CLEC16A: variants seen among roughly 807,000 people sequenced by gnomAD.
The protein encoded by CLEC16A is C-type lectin domain containing 16A.
A neutral mutation model predicts 109.5 loss-of-function variants in CLEC16A; 51 were observed. The ratio of observed to expected loss-of-function variants is 0.47; its 90% CI spans 0.37 to 0.59. CLEC16A has a LOEUF of 0.59. Among genes scored for constraint, CLEC16A ranks in the 20% least tolerant of loss-of-function variants. The pLI is 0.00. For synonymous variants in CLEC16A, 673 were observed against 564.2 expected (o/e 1.19, Z -2.73); for missense variants, 1,339 against 1,394.0 (o/e 0.96, Z 0.63).
intron 19 of CLEC16A, among the ~76,000 whole-genome samples, chr16:11,070,366 G>A (rs989078586): frequency 1.3e-5 from 2 of 151,230 alleles, no homozygotes; most frequent in Non-Finnish European, 1.5e-5. Flanking sequence ...CACTGCACCC[G>A]GCCTTTTTTT....
intron 3 of CLEC16A, among the ~76,000 whole-genome samples, chr16:10,967,310 G>A (rs1318319199): frequency 6.6e-6 from 1 of 152,082 alleles, no homozygotes; most frequent in East Asian, 1.9e-4. Context: ...CCTCAGTTAG[G>A]TACCTCGACG....
chr16:11,089,861 T>C (rs1187087935), intron 19 of CLEC16A, among the ~76,000 whole-genome samples: 1 of 152,208 alleles, frequency 6.6e-6, no homozygotes, highest in African/African-American at 2.4e-5. Context: ...CAGTCAACCC[T>C]GTGCTCTGCT....
At chr16:10,950,482 G>A (rs993272776) in intron 1 of CLEC16A, among the ~76,000 whole-genome samples, 1 of 152,248 alleles carries the variant, frequency 6.6e-6, no homozygotes, top group South Asian at 2.1e-4. Flanking sequence ...GAAAGCTAGG[G>A]TATAGCCCTG....
chr16:11,161,756 A>G (rs1437916478), intron 22 of CLEC16A, among the ~76,000 whole-genome samples: 4 of 152,228 alleles, frequency 2.6e-5, no homozygotes, highest in African/African-American at 9.6e-5. Flanking sequence ...GGCCCCATAA[A>G]GCCAGATCTT....
chr16:11,127,868 T>C (rs1298917295), intron 22 of CLEC16A, among the ~76,000 whole-genome samples: 1 of 152,092 alleles, frequency 6.6e-6, no homozygotes, highest in Non-Finnish European at 1.5e-5. Flanking sequence ...AGACCCTGTC[T>C]CAAAAAGAAA....
chr16:11,131,018 C>A (rs567569528), intron 22 of CLEC16A, among the ~76,000 whole-genome samples: 1 of 151,420 alleles, frequency 6.6e-6, no homozygotes, highest in East Asian at 1.9e-4. Flanking sequence ...TTTCTTCTTC[C>A]ATTTGGCTCA....
chr16:10,984,403 A>C (rs2043503532), intron 10 of CLEC16A, among the ~76,000 whole-genome samples: 1 of 152,142 alleles, frequency 6.6e-6, no homozygotes, highest in Non-Finnish European at 1.5e-5. Flanking sequence ...TTCATTCAGC[A>C]GTGTTGATGG....
At chr16:11,120,033 G>A (rs551455541) in intron 19 of CLEC16A, among the ~76,000 whole-genome samples, 1 of 152,240 alleles carries the variant, frequency 6.6e-6, no homozygotes, top group Admixed American at 6.5e-5. Context: ...TGCAGAGCGC[G>A]ATCTTGGCTC....
chr16:11,091,343 C>T (rs1021252943), intron 19 of CLEC16A, among the ~76,000 whole-genome samples: 3 of 152,220 alleles, frequency 2.0e-5, no homozygotes, highest in African/African-American at 4.8e-5. Context: ...ATGAAGAAGC[C>T]TTACTTTGTG....
At chr16:11,113,773 C>G (rs554841841) in intron 19 of CLEC16A, among the ~76,000 whole-genome samples, 3 of 152,338 alleles carry the variant, frequency 2.0e-5, no homozygotes, top group South Asian at 2.1e-4. Flanking sequence ...CGAATTCATT[C>G]CATGTCATTG....
At chr16:11,128,319 C>T (rs933145591) in intron 22 of CLEC16A, among the ~76,000 whole-genome samples, 2 of 152,218 alleles carry the variant, frequency 1.3e-5, no homozygotes, top group African/African-American at 2.4e-5. Context: ...GGCCTTCCAC[C>T]GGTGGGTGAG....
Position 11,145,122 on chromosome 16 carries a change from C to T in CLEC16A, c.2641+18976C>T, listed in dbSNP as rs188546473. ...TAGGGGTCAGCAGGAGATAAAGCCACGTGGGAATGGCCCCTGCTCCCGATT... is the reference window on the plus strand; with the variant it reads ...TAGGGGTCAGCAGGAGATAAAGCCATGTGGGAATGGCCCCTGCTCCCGATT... On this transcript the variant is annotated intron_variant, in intron 22 of 23. Transcript: ENST00000409790. 5.9e-5 allele frequency among the ~76,000 whole-genome samples: 9 copies of T among 152,260 alleles called. No homozygotes were observed. In the East Asian group the frequency reaches 7.7e-4, roughly 13 times the overall value.
In CLEC16A at chr16:11,174,107, C is replaced by G. The variant is rs766948248; in HGVS notation, c.2807-4228C>G. On this transcript the variant is annotated intron_variant, in intron 23 of 23. Transcript: ENST00000409790. The surrounding 1 kb of genome is among the most constrained non-coding windows in gnomAD (Gnocchi z 4.7). ...TCCCCTCCATGTCGCCTCTGCCGTC[C>G]CATTGTTAAAGGCTTTCTATGATCT... 2.9e-4 allele frequency: 133 copies of G among 453,424 alleles called. No homozygotes were observed. Among genetic ancestry groups the G allele is most frequent in the Non-Finnish European group, 4.2e-4 (90 of 214,790 alleles). 28.1% of individuals were successfully genotyped at this position (453,424 alleles called of 1,614,324 possible).
intron 13 of CLEC16A, among the ~76,000 whole-genome samples, chr16:11,038,794 G>A (rs574815025): frequency 1.1e-3 from 162 of 152,080 alleles, no homozygotes; most frequent in African/African-American, 3.7e-3. Flanking sequence ...TGCTTTTAAT[G>A]GCAAAAACTG....
intron 3 of CLEC16A, among the ~76,000 whole-genome samples, chr16:10,967,621 C>T (rs946676113): frequency 2.6e-5 from 4 of 152,210 alleles, no homozygotes; most frequent in African/African-American, 9.7e-5. Context: ...CATTGCGGCC[C>T]ATGCTGTCCA....
At chr16:11,127,455 G>A (rs1335522874) in intron 22 of CLEC16A, among the ~76,000 whole-genome samples, 1 of 152,222 alleles carries the variant, frequency 6.6e-6, no homozygotes, top group Non-Finnish European at 1.5e-5. Flanking sequence ...ATTCCTAGCA[G>A]TGAATTTGCC....
chr16:10,959,470 C>T (rs1254275312), intron 2 of CLEC16A, among the ~76,000 whole-genome samples: 2 of 152,322 alleles, frequency 1.3e-5, no homozygotes, highest in African/African-American at 4.8e-5. Context: ...CGGCTCACCG[C>T]AACCTCTGCC....
intron 11 of CLEC16A, among the ~76,000 whole-genome samples, chr16:11,016,372 A>G (rs1209277879): frequency 6.7e-6 from 1 of 148,636 alleles, no homozygotes; most frequent in Non-Finnish European, 1.5e-5. Flanking sequence ...TTTTTGAAAC[A>G]GAGTCTCACT....
chr16:11,167,407 C>G (rs980537055), intron 23 of CLEC16A, among the ~76,000 whole-genome samples: 4 of 152,178 alleles, frequency 2.6e-5, no homozygotes, highest in Non-Finnish European at 4.4e-5. Context: ...AGAGCCCTCA[C>G]TCATCATATT....
Sources: gnomAD v4.1 joint callset for allele counts (sites outside exome capture counted in the v4.1 genomes callset) on GRCh38, gnomAD v4.1.1 for gene constraint, Gnocchi (gnomAD v3.1) non-coding constraint, MANE v1.5 for transcripts, NCBI Gene and HGNC (gene_info 2026-07-23, HGNC 2026-07-21) for gene names.